ZMYM4: variants seen among roughly 807,000 people sequenced by gnomAD.
ZMYM4 encodes zinc finger MYM-type protein 4.
In ZMYM4, 31 loss-of-function variants were observed where a neutral mutation model predicts 183.2. The observed-to-expected ratio is 0.17, with a 90% CI of 0.13 to 0.23. The LOEUF is 0.23. Ranked by LOEUF, ZMYM4 falls within the 10% of genes least tolerant of loss-of-function variation. The probability of loss-of-function intolerance (pLI) is 1.00; values close to 1 mark genes in which losing one functional copy is unlikely to be tolerated. For missense variants in ZMYM4, 1,273 were observed against 1,840.3 expected (o/e 0.69, Z 5.64); for synonymous variants, 592 against 631.2 (o/e 0.94, Z 0.93).
rs139821580 is a variant in ZMYM4, at chr1:35,336,014, C to T, written c.85+10609C>T. ...AGTTCAGTAGTGTTAAGTATATTCA[C>T]ATTGTTGTGCAACAGATCTCTGGAA... is the stretch of plus-strand genomic sequence containing the variant. On this transcript the variant is annotated intron_variant, in intron 2 of 29. Transcript: ENST00000314607. Among the ~76,000 whole-genome samples the T allele has an allele frequency of 3.3e-5, 5 of 152,306 alleles. No individual in the cohort carries two copies. In the East Asian group the frequency reaches 9.7e-4, roughly 29 times the overall value.
intron 25 of ZMYM4, among the ~76,000 whole-genome samples, chr1:35,406,534 A>T (rs570748951): frequency 6.6e-6 from 1 of 152,324 alleles, no homozygotes; most frequent in East Asian, 1.9e-4. Flanking sequence ...AAAAATAAAA[A>T]TAAAACAAAA....
chr1:35,387,867 C>T (rs1644613227), intron 13 of ZMYM4, among the ~76,000 whole-genome samples: 1 of 152,138 alleles, frequency 6.6e-6, no homozygotes, highest in Non-Finnish European at 1.5e-5. Context: ...TTAGGTTCCC[C>T]ATTATTAGGT....
chr1:35,397,314 A>G, intron 19 of ZMYM4, 63 bp from the exon 20 acceptor site: 2 of 1,428,604 alleles, frequency 1.4e-6, no homozygotes, highest in South Asian at 1.8e-5. Context: ...CATCTCACAA[A>G]TCATACTTTT....
chr1:35,388,308 G>T (rs11264148), intron 13 of ZMYM4, among the ~76,000 whole-genome samples: 219 of 152,196 alleles, frequency 1.4e-3, no homozygotes, highest in Admixed American at 2.9e-3. Flanking sequence ...GGGTTCAAGC[G>T]ATTCTCCTGC....
At chr1:35,411,953 G>A (rs1639920223) in intron 26 of ZMYM4, among the ~76,000 whole-genome samples, 1 of 152,144 alleles carries the variant, frequency 6.6e-6, no homozygotes, top group South Asian at 2.1e-4. Context: ...CACAATCTCA[G>A]CTCACTGCAA....
chr1:35,295,744 C>T (rs1038937133), intron 1 of ZMYM4, among the ~76,000 whole-genome samples: 5 of 152,192 alleles, frequency 3.3e-5, no homozygotes, highest in African/African-American at 1.2e-4. Flanking sequence ...GTGCAGAGTC[C>T]TTCCTCAAGA....
chr1:35,385,009 AT>A (rs1057307084), intron 9 of ZMYM4, among the ~76,000 whole-genome samples: 2 of 151,264 alleles, frequency 1.3e-5, no homozygotes, highest in South Asian at 2.1e-4. Flanking sequence ...TGCCTGGCTA[AT>A]TTTTTTTGTA....
At chr1:35,379,636 G>T (rs114070128) in intron 7 of ZMYM4, among the ~76,000 whole-genome samples, 1 of 152,226 alleles carries the variant, frequency 6.6e-6, no homozygotes, top group Admixed American at 6.5e-5. Context: ...AATGTTTGGC[G>T]CAAGAGGCCT....
At chr1:35,290,009 C>A (rs112492024) in intron 1 of ZMYM4, among the ~76,000 whole-genome samples, 20 of 152,074 alleles carry the variant, frequency 1.3e-4, no homozygotes, top group African/African-American at 4.8e-4. Flanking sequence ...ACTCTGTCAC[C>A]TAGGCTGGAG....
chr1:35,373,168 G>A (rs929612314), intron 7 of ZMYM4, among the ~76,000 whole-genome samples: 2 of 151,038 alleles, frequency 1.3e-5, no homozygotes, highest in Admixed American at 6.6e-5. Flanking sequence ...CAAAAAAAAA[G>A]AAAGAAAATT....
chr1:35,377,031 C>A (rs546080754), intron 7 of ZMYM4, among the ~76,000 whole-genome samples: 1 of 151,958 alleles, frequency 6.6e-6, no homozygotes, highest in African/African-American at 2.4e-5. Context: ...CTCAGCTTCC[C>A]GAGTAGCTGG....
At position 35,284,921 on chromosome 1, in the gene ZMYM4, A is replaced by G. The variant is rs181409357; in HGVS notation, c.39+15836A>G. 2.6e-4 allele frequency among the ~76,000 whole-genome samples: 39 copies of G among 152,116 alleles called. No homozygotes were observed. The East Asian group carries it at 7.5e-3, about 29-fold the overall frequency. Reference sequence around the variant, plus strand: ...AGTCCCCCTCTCCAAGTATTATTACATGGGGGGTTAAGGCTTCAACATATG... The same window carrying G: ...AGTCCCCCTCTCCAAGTATTATTACGTGGGGGGTTAAGGCTTCAACATATG... On this transcript the variant is annotated intron_variant, in intron 1 of 29. Transcript: ENST00000314607.
At chr1:35,297,647 C>T (rs1006264575) in intron 1 of ZMYM4, among the ~76,000 whole-genome samples, 2 of 152,204 alleles carry the variant, frequency 1.3e-5, no homozygotes, top group Non-Finnish European at 2.9e-5. Flanking sequence ...GCCATCATTA[C>T]TGCTTTACTA....
intron 2 of ZMYM4, among the ~76,000 whole-genome samples, chr1:35,344,344 G>T (rs892732517): frequency 5.3e-5 from 8 of 152,084 alleles, no homozygotes; most frequent in African/African-American, 1.9e-4. Flanking sequence ...GTAAGCCCCT[G>T]TGCCCAGCCG....
chr1:35,291,986 A>G (rs990174984), intron 1 of ZMYM4, among the ~76,000 whole-genome samples: 2 of 152,036 alleles, frequency 1.3e-5, no homozygotes, highest in Non-Finnish European at 2.9e-5. Context: ...CCGCTTTGAT[A>G]CCATAGTGTT....
intron 1 of ZMYM4, among the ~76,000 whole-genome samples, chr1:35,324,575 A>G (rs998726576): frequency 2.0e-5 from 3 of 152,052 alleles, no homozygotes; most frequent in South Asian, 2.1e-4. Flanking sequence ...TGTTTCCTCT[A>G]CAGTTATGTA....
intron 7 of ZMYM4, among the ~76,000 whole-genome samples, chr1:35,374,435 T>C (rs958811072): frequency 3.3e-5 from 5 of 152,170 alleles, no homozygotes; most frequent in African/African-American, 7.2e-5. Flanking sequence ...AATAACTTCA[T>C]GTTTCTTTAT....
rs569147656 is a variant in ZMYM4 at position 35,347,099 on chromosome 1, G to A, written c.86-11826G>A. ...TGGCTCACTGCATCCTCTACCTCCC[G>A]GGTTCAAGCAGTTCTCCTGCCTCAG... On this transcript the variant is annotated intron_variant, in intron 2 of 29. Transcript: ENST00000314607. Among the ~76,000 whole-genome samples, 11 of 152,224 alleles carry A rather than the reference G, an allele frequency of 7.2e-5. No individual in the cohort carries two copies. The East Asian group carries it at 1.9e-3, about 27-fold the overall frequency.
intron 2 of ZMYM4, among the ~76,000 whole-genome samples, chr1:35,347,527 T>G (rs912411019): frequency 2.0e-5 from 3 of 152,206 alleles, no homozygotes; most frequent in African/African-American, 7.2e-5. Context: ...TCTTTTTTTT[T>G]TCCTGGATTA....
Sources: gnomAD v4.1 joint callset for allele counts (sites outside exome capture counted in the v4.1 genomes callset) on GRCh38, gnomAD v4.1.1 for gene constraint, MANE v1.5 for transcripts, NCBI Gene and HGNC (gene_info 2026-07-23, HGNC 2026-07-21) for gene names.